BANK1: variants seen among roughly 807,000 people sequenced by gnomAD.
BANK1 encodes B-cell scaffold protein with ankyrin repeats.
In BANK1, 95 loss-of-function variants were observed where a neutral mutation model predicts 94.5. The ratio of observed to expected loss-of-function variants is 1.00; its 90% CI spans 0.85 to 1.19. The LOEUF (loss-of-function observed/expected upper bound fraction) is 1.19. Ranked by LOEUF, BANK1 falls within the 50% of genes most tolerant of loss-of-function variation. The probability of loss-of-function intolerance (pLI) is 0.00; values close to 1 mark genes in which losing one functional copy is unlikely to be tolerated. For missense variants in BANK1, 987 were observed against 932.2 expected (o/e 1.06, Z -0.77); for synonymous variants, 334 against 308.4 (o/e 1.08, Z -0.87).
At chr4:102,068,422 C>T (rs1728656716) in intron 13 of BANK1, among the ~76,000 whole-genome samples, 1 of 151,728 alleles carries the variant, frequency 6.6e-6, no homozygotes, top group Admixed American at 6.6e-5. Context: ...TTGATAAGCC[C>T]ATGGGAAGAA....
intron 7 of BANK1, among the ~76,000 whole-genome samples, chr4:102,001,452 T>A (rs1726069022): frequency 6.6e-6 from 1 of 152,014 alleles, no homozygotes; most frequent in Non-Finnish European, 1.5e-5. Context: ...ATACAAAAAT[T>A]AGCTGGGCAT....
intron 1 of BANK1, among the ~76,000 whole-genome samples, chr4:101,794,621 T>C (rs188122354): frequency 2.0e-5 from 3 of 152,242 alleles, no homozygotes; most frequent in Admixed American, 6.5e-5. Context: ...GTATCTAAGT[T>C]TTAGTGCAGA....
intron 1 of BANK1, among the ~76,000 whole-genome samples, chr4:101,811,683 A>G (rs1400789964): frequency 6.6e-6 from 1 of 152,138 alleles, no homozygotes; most frequent in Non-Finnish European, 1.5e-5. Context: ...AAACAGGGAC[A>G]TTTTATAAAA....
chr4:102,021,266 T>C (rs907281231), intron 7 of BANK1, among the ~76,000 whole-genome samples: 5 of 152,134 alleles, frequency 3.3e-5, no homozygotes, highest in African/African-American at 7.2e-5. Context: ...TTGCCTCCTT[T>C]GCATCTTAAA....
chr4:102,054,665 G>T (rs985807070), intron 11 of BANK1, among the ~76,000 whole-genome samples: 2 of 152,070 alleles, frequency 1.3e-5, no homozygotes, highest in African/African-American at 2.4e-5. Flanking sequence ...GTTTCACATG[G>T]CACTGGAGTC....
intron 1 of BANK1, among the ~76,000 whole-genome samples, chr4:101,809,932 A>G (rs772877152): frequency 1.2e-4 from 18 of 152,206 alleles, no homozygotes; most frequent in Non-Finnish European, 2.1e-4. Context: ...GGCAGAGAAG[A>G]ATTAAGGTTG....
intron 3 of BANK1, among the ~76,000 whole-genome samples, chr4:101,859,305 T>G (rs1727787051): frequency 6.6e-6 from 1 of 152,220 alleles, no homozygotes; most frequent in African/African-American, 2.4e-5. Context: ...TATCAAAAAC[T>G]AAGCTACATA....
At chr4:102,027,987 G>A (rs1727160852) in intron 9 of BANK1, among the ~76,000 whole-genome samples, 1 of 152,154 alleles carries the variant, frequency 6.6e-6, no homozygotes, top group South Asian at 2.1e-4. Flanking sequence ...TTATGGAAGT[G>A]ATTTGTTTTA....
At chr4:101,884,885 A>G (rs13128022) in intron 5 of BANK1, among the ~76,000 whole-genome samples, 83,939 of 151,878 alleles carry the variant, frequency 0.55, 24,503 homozygotes, top group African/African-American at 0.75. Context: ...CATAGTCTGG[A>G]AGGTTTTTGT....
At chr4:101,830,844 C>T (rs1319342256) in intron 2 of BANK1, among the ~76,000 whole-genome samples, 1 of 152,164 alleles carries the variant, frequency 6.6e-6, no homozygotes, top group Non-Finnish European at 1.5e-5. Context: ...AGTCTTCTAA[C>T]TATGGTTTCA....
At chr4:101,946,824 G>A (rs949009395) in intron 7 of BANK1, among the ~76,000 whole-genome samples, 12 of 151,866 alleles carry the variant, frequency 7.9e-5, no homozygotes, top group South Asian at 2.1e-4. Context: ...ACCAATCCCC[G>A]CTGAAATTCT....
chr4:101,864,320 T>C (rs1273351121), intron 4 of BANK1, among the ~76,000 whole-genome samples: 1 of 152,230 alleles, frequency 6.6e-6, no homozygotes, highest in East Asian at 1.9e-4. Context: ...TTTTCTCTGC[T>C]TCATGTCACT....
intron 7 of BANK1, among the ~76,000 whole-genome samples, chr4:101,984,500 T>G (rs1725421414): frequency 1.3e-5 from 2 of 152,146 alleles, no homozygotes; most frequent in Admixed American, 1.3e-4. Flanking sequence ...TCAGAATTAT[T>G]ATACACATAA....
chr4:101,885,771 A>G (rs923739758), intron 5 of BANK1, among the ~76,000 whole-genome samples: 4 of 152,200 alleles, frequency 2.6e-5, no homozygotes, highest in Admixed American at 6.5e-5. Context: ...TTGTTAAGCA[A>G]TTTCATCATT....
intron 6 of BANK1, among the ~76,000 whole-genome samples, chr4:101,913,815 G>A (rs572055158): frequency 1.3e-5 from 2 of 152,040 alleles, no homozygotes; most frequent in East Asian, 3.9e-4. Flanking sequence ...TAATTTTAGG[G>A]TGAATTCCAT....
intron 1 of BANK1, among the ~76,000 whole-genome samples, chr4:101,799,093 A>AGGTC (rs1269981288): frequency 6.6e-6 from 1 of 152,136 alleles, no homozygotes; most frequent in Non-Finnish European, 1.5e-5. Context: ...TTACGGTTTT[A>AGGTC]GGTCTAACAT....
chr4:101,859,331 G>A (rs1391872731), intron 3 of BANK1, among the ~76,000 whole-genome samples: 1 of 152,156 alleles, frequency 6.6e-6, no homozygotes, highest in East Asian at 1.9e-4. Flanking sequence ...ACTATTAGGG[G>A]AGTTTTCATA....
intron 7 of BANK1, among the ~76,000 whole-genome samples, chr4:101,926,663 G>A (rs1328995113): frequency 6.6e-6 from 1 of 151,690 alleles, no homozygotes; most frequent in East Asian, 1.9e-4. Context: ...AGGCCAGGAA[G>A]AAATAGAAAG....
At chr4:101,941,943 T>C (rs1359216793) in intron 7 of BANK1, among the ~76,000 whole-genome samples, 1 of 151,842 alleles carries the variant, frequency 6.6e-6, no homozygotes, top group Non-Finnish European at 1.5e-5. Flanking sequence ...CTGAAACTCC[T>C]CAACCATGAA....
Sources: gnomAD v4.1 joint callset for allele counts (sites outside exome capture counted in the v4.1 genomes callset) on GRCh38, gnomAD v4.1.1 for gene constraint, MANE v1.5 for transcripts, NCBI Gene and HGNC (gene_info 2026-07-23, HGNC 2026-07-21) for gene names.